The following IARS2 variants were observed in gnomAD, a reference collection of about 807,000 sequenced individuals.
The protein encoded by IARS2 is isoleucyl-tRNA synthetase 2, mitochondrial.
Under a neutral mutation model 126.3 loss-of-function variants are expected in IARS2, and 56 were observed. The observed-to-expected ratio is 0.44, with a 90% CI of 0.36 to 0.55. The LOEUF (loss-of-function observed/expected upper bound fraction) is 0.55. IARS2 is among the 20% of genes least tolerant of loss of function. The pLI is 0.00. For missense variants in IARS2, 1,127 were observed against 1,245.9 expected (o/e 0.90, Z 1.44); for synonymous variants, 407 against 441.1 (o/e 0.92, Z 0.97).
intron 3 of IARS2, among the ~76,000 whole-genome samples, chr1:220,101,739 G>A (rs980791668): frequency 2.0e-5 from 3 of 152,116 alleles, no homozygotes; most frequent in Non-Finnish European, 4.4e-5. Context: ...CGTGGCTCAC[G>A]CCTGTAATCC....
intron 1 of IARS2, among the ~76,000 whole-genome samples, chr1:220,094,918 G>A (rs72747385): frequency 0.15 from 22,312 of 151,834 alleles, 2,018 homozygotes; most frequent in Admixed American, 0.22. Context: ...CGGGAGAATC[G>A]CTTGAGCCAA....
chr1:220,137,962 G>A lies in IARS2; in HGVS notation c.2094G>A (p.Trp698Ter), dbSNP rs986958942. 1.9e-6 allele frequency: 3 copies of A among 1,614,120 alleles called. No homozygotes were observed. Among genetic ancestry groups the A allele is most frequent in the East Asian group, 2.2e-5 (1 of 44,884 alleles). Residue 698 changes from tryptophan to a stop codon, truncating the protein, a stop_gained, in exon 17 of 23, where the codon TGG becomes TGA. Coordinates refer to ENST00000366922, the MANE Select transcript of IARS2 (RefSeq NM_018060.4). LOFTEE classifies it high-confidence loss of function. ...CGTATGGTGCTGATGTCCTTCGCTG[G>A]TGGGTAGCTGATTCCAATGTCTTCA... is the stretch of plus-strand genomic sequence containing the variant. ...EPPYGADVLRWWVADSNVFTE... is the reference protein window; with the variant it reads ...EPPYGADVLR
chr1:220,139,444 A>G (rs1171798098), intron 18 of IARS2, among the ~76,000 whole-genome samples: 1 of 152,236 alleles, frequency 6.6e-6, no homozygotes, highest in African/African-American at 2.4e-5. Context: ...ATTTTCATAT[A>G]GACTTAAATA....
chr1:220,103,800 GTTAC>G (rs1656628551), intron 8 of IARS2, among the ~76,000 whole-genome samples: 1 of 152,096 alleles, frequency 6.6e-6, no homozygotes, highest in Admixed American at 6.5e-5. Context: ...ATATCCAGTA[GTTAC>G]TTGGTAAAAT....
At chr1:220,107,294 G>A (rs1656702326) in intron 10 of IARS2, 143 bp downstream of exon 10, 2 of 617,834 alleles carry the variant, frequency 3.2e-6, no homozygotes, top group Non-Finnish European at 5.7e-6. Flanking sequence ...TTAAAATGGA[G>A]TTTGGGACTT....
intron 9 of IARS2, 24 bp from the exon 10 acceptor site, chr1:220,107,037 A>T (rs774093053): frequency 7.0e-7 from 1 of 1,426,266 alleles, no homozygotes. Context: ...TGATATTTTA[A>T]TTGTTCAAAA....
At position 220,094,459 on chromosome 1, in the gene IARS2, G is replaced by A; in HGVS notation, c.243G>A (p.Pro81=). The A allele has an allele frequency of 1.2e-6, 2 of 1,609,752 alleles. No individual in the cohort carries two copies. Among genetic ancestry groups the A allele is most frequent in the Non-Finnish European group, 1.7e-6 (2 of 1,178,442 alleles). Residue 81 remains proline, a synonymous_variant, in exon 1 of 23, where the codon CCG becomes CCA. Coordinates refer to ENST00000366922, the MANE Select transcript of IARS2 (RefSeq NM_018060.4). ...TGAAGCTGCTGGGCCGCCAGCAGCC[G>A]GACACGGAGCTGGAGATCCAGCAGG... The part of the protein sequence containing the change: ...FPMKLLGRQQ[P]DTELEIQQKC...
rs373243922 is a variant in IARS2, at chr1:220,136,391, CAG to C, written c.1947-415_1947-414del. Among the ~76,000 whole-genome samples the C allele has an allele frequency of 2.5e-4, 38 of 152,272 alleles. 1 individual carries two copies. In the East Asian group the frequency reaches 7.4e-3, roughly 30 times the overall value. ...AAGTGATCTGCCTGCCTTGGCCTCC[CAG>C]AGTGTTGGGATTACAGGCGTGAGCC... On this transcript the variant is annotated intron_variant, in intron 15 of 22. Transcript: ENST00000366922.
intron 12 of IARS2, among the ~76,000 whole-genome samples, chr1:220,118,425 A>G (rs1338271861): frequency 6.6e-6 from 1 of 151,312 alleles, no homozygotes; most frequent in Non-Finnish European, 1.5e-5. Context: ...TTTAGATCAT[A>G]TTTGTATTTT....
At position 220,134,405 on chromosome 1, in the gene IARS2, C is replaced by T; in HGVS notation, c.1841C>T (p.Pro614Leu). The change falls in exon 15 of 23, where the codon CCT becomes CTT. Residue 614 changes from proline to leucine, a missense_variant. Pro to Leu is a moderately conservative substitution (Grantham distance 98). Transcript: ENST00000366922. ...TCTTTTAATACTTAATTTTGAGGTC[C>T]TGACCAAAGAGCAGATTTGTACTTG... ...GTSWSYVLPG[P>L]DQRADLYLEG... The T allele has an allele frequency of 6.3e-7, 1 of 1,590,112 alleles. No homozygotes were observed. The highest frequency in any genetic ancestry group is 8.5e-7 in the Non-Finnish European group (1 of 1,170,904).
chr1:220,108,693 AT>A (rs1296334515), intron 10 of IARS2, among the ~76,000 whole-genome samples: 1 of 151,208 alleles, frequency 6.6e-6, no homozygotes, highest in African/African-American at 2.4e-5. Context: ...CCTATTTTTT[AT>A]TTTTAATAGA....
chr1:220,146,596 A>G (rs1321402816), intron 22 of IARS2, among the ~76,000 whole-genome samples: 1 of 151,288 alleles, frequency 6.6e-6, no homozygotes, highest in Non-Finnish European at 1.5e-5. Context: ...GGAGATGGGA[A>G]GCTAACTTAC....
At position 220,141,827 on chromosome 1, in the gene IARS2, C is replaced by G. The variant is rs1657497431; in HGVS notation, c.2439C>G (p.Asp813Glu). 3 of 1,614,022 alleles carry G rather than the reference C, an allele frequency of 1.9e-6. No individual in the cohort carries two copies. The highest frequency in any genetic ancestry group is 2.5e-6 in the Non-Finnish European group (3 of 1,179,982). ...GGCTCTATTGTGAAAAGGAAAATGA[C>G]CCCAAACGACGCTCTTGTCAGACTG... ...KDRLYCEKEN[D>E]PKRRSCQTAL... is the part of the protein sequence containing the mutation. Residue 813 changes from aspartate to glutamate, a missense_variant, in exon 20 of 23, where the codon GAC (aspartate) becomes GAG (glutamate). Physicochemically the swap from Asp to Glu is conservative, Grantham distance 45. Coordinates refer to ENST00000366922, the MANE Select transcript of IARS2 (RefSeq NM_018060.4).
intron 22 of IARS2, among the ~76,000 whole-genome samples, chr1:220,146,370 T>G (rs573012088): frequency 6.6e-6 from 1 of 151,872 alleles, no homozygotes; most frequent in African/African-American, 2.4e-5. Flanking sequence ...CAAAAAAAAT[T>G]AGCCAGGCGT....
chr1:220,106,107 GA>G (rs2102820423), intron 9 of IARS2, 47 bp downstream of exon 9: 2 of 1,465,282 alleles, frequency 1.4e-6, no homozygotes, highest in East Asian at 4.6e-5. Context: ...TTAATAAAAG[GA>G]AATGATAAAT....
At chr1:220,121,467 A>T (rs1351185140) in intron 12 of IARS2, among the ~76,000 whole-genome samples, 1 of 152,158 alleles carries the variant, frequency 6.6e-6, no homozygotes, top group Admixed American at 6.5e-5. Context: ...CGGTTGCTTT[A>T]ATAACATGCC....
intron 11 of IARS2, among the ~76,000 whole-genome samples, chr1:220,112,706 G>A (rs1656835853): frequency 6.6e-6 from 1 of 151,140 alleles, no homozygotes; most frequent in South Asian, 2.1e-4. Flanking sequence ...CTACAGGCCT[G>A]TGCCACCACA....
rs376227265 is a variant in IARS2, at chr1:220,095,691, G to A, written c.268-413G>A. ...AGTGACTTAGACTGCCATGCATGTT[G>A]TTCCCAGATTTGGGGAATGGCAAGC... On this transcript the variant is annotated intron_variant, in intron 1 of 22. Transcript: ENST00000366922. 3.9e-5 allele frequency among the ~76,000 whole-genome samples: 6 copies of A among 152,258 alleles called. No homozygotes were observed. In the East Asian group the frequency reaches 1.2e-3, roughly 29 times the overall value.
At chr1:220,095,150 TGCCTTA>T (rs1351548717) in intron 1 of IARS2, among the ~76,000 whole-genome samples, 2 of 152,218 alleles carry the variant, frequency 1.3e-5, no homozygotes, top group Admixed American at 1.3e-4. Context: ...GCAATTCTCC[TGCCTTA>T]GCCTCCCCAG....
Sources: gnomAD v4.1 joint callset for allele counts (sites outside exome capture counted in the v4.1 genomes callset) on GRCh38, gnomAD v4.1.1 for gene constraint, MANE v1.5 for transcripts, NCBI Gene and HGNC (gene_info 2026-07-23, HGNC 2026-07-21) for gene names.